RABGAP1L: variants seen among roughly 807,000 people sequenced by gnomAD.
RABGAP1L encodes rab GTPase-activating protein 1-like.
In RABGAP1L, 63 loss-of-function variants were observed where a neutral mutation model predicts 137.7. That is an observed-to-expected ratio of 0.46 (90% CI 0.37 to 0.56). The LOEUF (loss-of-function observed/expected upper bound fraction) is 0.56, where lower values mean the gene tolerates loss of function less well. Among genes scored for constraint, RABGAP1L ranks in the 20% least tolerant of loss-of-function variants. The pLI, the probability that RABGAP1L is intolerant of heterozygous loss-of-function variation, is 0.00. For missense variants in RABGAP1L, 1,095 were observed against 1,244.0 expected, an observed-to-expected ratio of 0.88 and a Z score of 1.80; for synonymous variants, 431 against 433.7, an observed-to-expected ratio of 0.99 and a Z score of 0.08.
intron 13 of RABGAP1L, among the ~76,000 whole-genome samples, chr1:174,587,244 G>A (rs374316292): frequency 2.7e-4 from 38 of 140,026 alleles, no homozygotes; most frequent in South Asian, 1.6e-3. Context: ...CATGATTTAT[G>A]GTCCTTTGGG....
At position 174,254,355 on chromosome 1, in the gene RABGAP1L, T is replaced by C. The variant is rs192380808; in HGVS notation, c.986+1765T>C. 1.5e-3 allele frequency among the ~76,000 whole-genome samples: 222 copies of C among 152,340 alleles called. 2 individuals are homozygous for C. The highest frequency in any genetic ancestry group is 0.014 in the Admixed American group (208 of 15,304). On this transcript the variant is annotated intron_variant, in intron 7 of 25. Transcript: ENST00000681986. The stretch of plus-strand genomic sequence containing the variant: ...TTTTTAAATACTTTAAGTTCTGGGA[T>C]ACATGTGCAGAACATGCAGGTTTGT...
chr1:174,211,729 A>G (rs1668902255), intron 1 of RABGAP1L, among the ~76,000 whole-genome samples: 1 of 152,196 alleles, frequency 6.6e-6, no homozygotes, highest in Admixed American at 6.5e-5. Context: ...TGTTGCCTAC[A>G]TGAAACATAC....
intron 11 of RABGAP1L, among the ~76,000 whole-genome samples, chr1:174,340,099 A>C (rs951612633): frequency 1.3e-5 from 2 of 152,106 alleles, no homozygotes; most frequent in Non-Finnish European, 2.9e-5. Flanking sequence ...TTGCACACTA[A>C]TGTCAAATTT....
intron 13 of RABGAP1L, among the ~76,000 whole-genome samples, chr1:174,541,359 G>T (rs1410382218): frequency 6.6e-6 from 1 of 152,180 alleles, no homozygotes; most frequent in African/African-American, 2.4e-5. Flanking sequence ...GGGCATCCCT[G>T]TCTTGTGCCA....
intron 13 of RABGAP1L, among the ~76,000 whole-genome samples, chr1:174,432,825 T>C (rs2006197): frequency 0.5 from 75,720 of 152,156 alleles, 21,408 homozygotes; most frequent in African/African-American, 0.78. Context: ...CGTGAGCCAC[T>C]GTGCCTGGCT....
chr1:174,708,759 GTTTGT>G (rs757821215), intron 17 of RABGAP1L, among the ~76,000 whole-genome samples: 19 of 152,180 alleles, frequency 1.2e-4, no homozygotes, highest in South Asian at 4.2e-4. Flanking sequence ...GTTTTTGTTT[GTTTGT>G]TTTGTTTTGT....
chr1:174,822,407 A>T (rs1366822367), intron 19 of RABGAP1L, among the ~76,000 whole-genome samples: 1 of 152,228 alleles, frequency 6.6e-6, no homozygotes, highest in East Asian at 1.9e-4. Context: ...TGAGCAGGGA[A>T]CATGTTAATG....
intron 14 of RABGAP1L, among the ~76,000 whole-genome samples, chr1:174,646,703 G>T (rs1322779243): frequency 6.6e-6 from 1 of 152,074 alleles, no homozygotes; most frequent in Non-Finnish European, 1.5e-5. Flanking sequence ...GGCTTTCTTG[G>T]TTCCACATGA....
chr1:174,854,850 G>T (rs1226142634), intron 19 of RABGAP1L, among the ~76,000 whole-genome samples: 4 of 145,458 alleles, frequency 2.7e-5, no homozygotes, highest in Admixed American at 7.2e-5. Context: ...TGATTCTCTT[G>T]CCTCAGCCTC....
At chr1:174,636,864 T>A (rs1414689468) in intron 13 of RABGAP1L, among the ~76,000 whole-genome samples, 1 of 152,182 alleles carries the variant, frequency 6.6e-6, no homozygotes, top group Non-Finnish European at 1.5e-5. Context: ...GCATAAGCCA[T>A]GTATAAAATA....
At chr1:174,207,654 G>T (rs1258597520) in intron 1 of RABGAP1L, among the ~76,000 whole-genome samples, 1 of 152,130 alleles carries the variant, frequency 6.6e-6, no homozygotes, top group African/African-American at 2.4e-5. Context: ...ATTTATTGAG[G>T]CATAGTGTGT....
intron 14 of RABGAP1L, among the ~76,000 whole-genome samples, chr1:174,649,788 A>G (rs1274293370): frequency 6.6e-6 from 1 of 152,116 alleles, no homozygotes; most frequent in Non-Finnish European, 1.5e-5. Flanking sequence ...CAAACGGACA[A>G]TTTGACTTCC....
chr1:174,294,833 GT>G (rs1676966679), intron 10 of RABGAP1L, among the ~76,000 whole-genome samples: 1 of 152,160 alleles, frequency 6.6e-6, no homozygotes, highest in African/African-American at 2.4e-5. Context: ...AGGTGACTGG[GT>G]GGTTGTTGAT....
At chr1:174,635,169 C>A (rs1156386846) in intron 13 of RABGAP1L, among the ~76,000 whole-genome samples, 2 of 151,960 alleles carry the variant, frequency 1.3e-5, no homozygotes, top group Non-Finnish European at 2.9e-5. Context: ...ACTATTGGAA[C>A]CATTTAAACA....
intron 19 of RABGAP1L, among the ~76,000 whole-genome samples, chr1:174,911,469 T>C (rs749573352): frequency 6.6e-6 from 1 of 152,230 alleles, no homozygotes; most frequent in Non-Finnish European, 1.5e-5. Context: ...CATTCACCTA[T>C]AAAGGATATT....
intron 19 of RABGAP1L, among the ~76,000 whole-genome samples, chr1:174,879,109 T>G (rs1290257818): frequency 6.6e-6 from 1 of 150,632 alleles, no homozygotes; most frequent in African/African-American, 2.4e-5. Context: ...TGTTTTTTTT[T>G]TTTTTTTTTA....
At position 174,550,857 on chromosome 1, in the gene RABGAP1L, AATATATATATATATATATATATATAT is replaced by A. The variant is rs1216100934; in HGVS notation, c.1711-86504_1711-86479del. Among the ~76,000 whole-genome samples the A allele has an allele frequency of 1.3e-4, 8 of 61,830 alleles. 1 individual carries two copies. Among genetic ancestry groups the A allele is most frequent in the Admixed American group, 8.9e-4 (5 of 5,600 alleles). The allele number at this position is 61,830 out of a possible 152,430, so 40.6% of individuals were successfully genotyped here. ...ACACGGTGAAACCCCGTCTCTGCTAAATATATATATATATATATATATATATATATATATATATACACACACACATA... is the reference window on the plus strand; with the variant it reads ...ACACGGTGAAACCCCGTCTCTGCTAAATATATATATATACACACACACATA... On this transcript the variant is annotated intron_variant, in intron 13 of 25. Coordinates refer to ENST00000681986, the MANE Select transcript of RABGAP1L (RefSeq NM_001366446.1).
At chr1:174,878,778 A>G (rs1427938785) in intron 19 of RABGAP1L, among the ~76,000 whole-genome samples, 13 of 152,142 alleles carry the variant, frequency 8.5e-5, no homozygotes, top group Admixed American at 2.0e-4. Context: ...GGTTATATCA[A>G]CCAGATGCAA....
intron 19 of RABGAP1L, among the ~76,000 whole-genome samples, chr1:174,886,812 C>T (rs1264378817): frequency 6.7e-6 from 1 of 149,150 alleles, no homozygotes; most frequent in Non-Finnish European, 1.5e-5. Flanking sequence ...CCATTTAATT[C>T]TTTTTTTTTT....
Sources: gnomAD v4.1 joint callset for allele counts (sites outside exome capture counted in the v4.1 genomes callset) on GRCh38, gnomAD v4.1.1 for gene constraint, MANE v1.5 for transcripts, NCBI Gene and HGNC (gene_info 2026-07-23, HGNC 2026-07-21) for gene names.